BMPER: variants seen among roughly 807,000 people sequenced by gnomAD.
The protein encoded by BMPER is BMP-binding endothelial regulator protein.
BMPER carries 45 observed loss-of-function variants against 87.3 expected under a neutral mutation model. The observed-to-expected ratio is 0.52, with a 90% CI of 0.41 to 0.66. The LOEUF (loss-of-function observed/expected upper bound fraction) is 0.66, where lower values mean the gene tolerates loss of function less well. Among genes scored for constraint, BMPER ranks in the 30% least tolerant of loss-of-function variants. The probability of loss-of-function intolerance (pLI) is 0.00; values close to 1 mark genes in which losing one functional copy is unlikely to be tolerated. For synonymous variants in BMPER, 326 were observed against 316.2 expected, an observed-to-expected ratio of 1.03 and a Z score of -0.33; for missense variants, 784 against 867.5, an observed-to-expected ratio of 0.90 and a Z score of 1.21.
At chr7:34,052,146 C>T (rs1788161572) in intron 8 of BMPER, among the ~76,000 whole-genome samples, 176 bp downstream of exon 8, 1 of 152,168 alleles carries the variant, frequency 6.6e-6, no homozygotes, top group Non-Finnish European at 1.5e-5. Flanking sequence ...ATAGGACCCA[C>T]ACTATAGCTC....
At chr7:33,905,767 GAC>G in intron 1 of BMPER, 21 bp downstream of exon 1, 1 of 914,078 alleles carries the variant, frequency 1.1e-6, no homozygotes, top group African/African-American at 1.7e-5. Flanking sequence ...GGGCGGGAGG[GAC>G]CGGCCCTCCG....
At chr7:33,998,625 C>T (rs1376049647) in intron 6 of BMPER, among the ~76,000 whole-genome samples, 2 of 152,196 alleles carry the variant, frequency 1.3e-5, no homozygotes, top group Non-Finnish European at 2.9e-5. Flanking sequence ...CGTTCAGTTT[C>T]AGCAGACTCC....
At chr7:34,022,897 G>T (rs779143466) in intron 6 of BMPER, among the ~76,000 whole-genome samples, 3 of 151,936 alleles carry the variant, frequency 2.0e-5, no homozygotes, top group Admixed American at 1.3e-4. Flanking sequence ...GAAGTAAAAA[G>T]TGGACAGTAA....
chr7:34,089,284 A>T (rs1256355774), intron 13 of BMPER, among the ~76,000 whole-genome samples: 1 of 152,226 alleles, frequency 6.6e-6, no homozygotes, highest in Non-Finnish European at 1.5e-5. Flanking sequence ...ACTGTCTTGT[A>T]ACAGAGGGAA....
Position 33,994,027 on chromosome 7 carries a change from G to C in BMPER, c.576+19243G>C, listed in dbSNP as rs191994140. Reference sequence around the variant, plus strand: ...GAGAACCACTGCTCTCTTCCAAGCTGTCAGACAGGGACATTTAAGTCTGCA... The same window carrying C: ...GAGAACCACTGCTCTCTTCCAAGCTCTCAGACAGGGACATTTAAGTCTGCA... On this transcript the variant is annotated intron_variant, in intron 6 of 14. Coordinates refer to ENST00000649409, the MANE Select transcript of BMPER (RefSeq NM_001365308.1). Among the ~76,000 whole-genome samples, 496 of 152,346 alleles carry C rather than the reference G, an allele frequency of 3.3e-3. 3 individuals are homozygous for C. The highest frequency in any genetic ancestry group is 0.011 in the African/African-American group (471 of 41,584).
At chr7:33,950,365 T>C (rs568960869) in intron 3 of BMPER, among the ~76,000 whole-genome samples, 6 of 152,324 alleles carry the variant, frequency 3.9e-5, no homozygotes, top group Admixed American at 2.0e-4. Flanking sequence ...TAGTTTTCTA[T>C]TGATAGACAA....
intron 14 of BMPER, among the ~76,000 whole-genome samples, chr7:34,148,074 C>A (rs116570233): frequency 0.019 from 2,895 of 152,224 alleles, 78 homozygotes; most frequent in African/African-American, 0.065. Context: ...CTCTGCCTCT[C>A]TCTCCTACCA....
At chr7:33,920,092 C>G (rs34601711) in intron 2 of BMPER, among the ~76,000 whole-genome samples, 1 of 152,198 alleles carries the variant, frequency 6.6e-6, no homozygotes, top group African/African-American at 2.4e-5. Context: ...TAAAATGGAG[C>G]CTGAACACTA....
intron 6 of BMPER, among the ~76,000 whole-genome samples, chr7:33,991,511 T>G (rs1400756362): frequency 6.6e-6 from 1 of 152,216 alleles, no homozygotes; most frequent in East Asian, 1.9e-4. Flanking sequence ...CTCTCTTTTT[T>G]TCTTTATTAA....
chr7:34,126,036 T>C (rs543330577), intron 13 of BMPER, among the ~76,000 whole-genome samples: 1 of 152,344 alleles, frequency 6.6e-6, no homozygotes, highest in Non-Finnish European at 1.5e-5. Context: ...ACATTCTATT[T>C]GGGGAGTGCC....
chr7:34,022,754 A>G (rs1351326325), intron 6 of BMPER, among the ~76,000 whole-genome samples: 1 of 150,722 alleles, frequency 6.6e-6, no homozygotes, highest in African/African-American at 2.4e-5. Flanking sequence ...AAAAGTATTT[A>G]TCATATTGGC....
At chr7:34,021,232 A>G (rs2127946206) in intron 6 of BMPER, among the ~76,000 whole-genome samples, 1 of 152,158 alleles carries the variant, frequency 6.6e-6, no homozygotes, top group Admixed American at 6.5e-5. Context: ...TTCTTTGGCA[A>G]CACTGAATGA....
chr7:34,073,565 G>A (rs1320652624), intron 11 of BMPER, among the ~76,000 whole-genome samples: 1 of 152,220 alleles, frequency 6.6e-6, no homozygotes, highest in Non-Finnish European at 1.5e-5. Context: ...CTGTATACAT[G>A]GCAGTGTGCC....
Position 34,123,551 on chromosome 7 carries a change from G to A in BMPER, c.1746-19679G>A, listed in dbSNP as rs79616414. On this transcript the variant is annotated intron_variant, in intron 13 of 14. Transcript: ENST00000649409. ...TTTAAATCTCCCTGATGATTCTAAA[G>A]TGCAATCAGGAGTGAGAACCAGCAG... Among the ~76,000 whole-genome samples, 591 of 152,276 alleles carry A rather than the reference G, an allele frequency of 3.9e-3. 2 individuals carry two copies. The highest frequency in any genetic ancestry group is 0.014 in the African/African-American group (575 of 41,558).
At chr7:34,120,967 T>A (rs922369328) in intron 13 of BMPER, among the ~76,000 whole-genome samples, 14 of 151,862 alleles carry the variant, frequency 9.2e-5, no homozygotes, top group Non-Finnish European at 1.6e-4. Flanking sequence ...GGAAAAATTA[T>A]GTTATTTAAT....
chr7:33,919,199 A>C (rs889175284), intron 2 of BMPER, among the ~76,000 whole-genome samples: 2 of 152,122 alleles, frequency 1.3e-5, no homozygotes, highest in African/African-American at 4.8e-5. Context: ...TAGATTTTGG[A>C]GTTATGAAAT....
chr7:34,028,769 A>T (rs942531980), intron 6 of BMPER, among the ~76,000 whole-genome samples: 2 of 151,646 alleles, frequency 1.3e-5, no homozygotes. Flanking sequence ...CGTGGGTTCT[A>T]CTCACCTGAA....
chr7:34,089,726 T>C (rs774145996), intron 13 of BMPER, among the ~76,000 whole-genome samples: 21 of 152,118 alleles, frequency 1.4e-4, no homozygotes, highest in Non-Finnish European at 2.1e-4. Context: ...TCAGGTGATC[T>C]GCCTGCCTCA....
intron 13 of BMPER, among the ~76,000 whole-genome samples, chr7:34,094,449 G>A (rs1789476931): frequency 1.3e-5 from 2 of 152,246 alleles, no homozygotes; most frequent in Non-Finnish European, 2.9e-5. Flanking sequence ...TGAAGGGAAC[G>A]TGCCCTCTGG....
Sources: gnomAD v4.1 joint callset for allele counts (sites outside exome capture counted in the v4.1 genomes callset) on GRCh38, gnomAD v4.1.1 for gene constraint, MANE v1.5 for transcripts, NCBI Gene and HGNC (gene_info 2026-07-23, HGNC 2026-07-21) for gene names.